Variants in PDE6B observed in about 807,000 individuals in gnomAD.
PDE6B encodes rod cGMP-specific 3',5'-cyclic phosphodiesterase subunit beta.
In PDE6B, 106 loss-of-function variants were observed where a neutral mutation model predicts 109.0. That is an observed-to-expected ratio of 0.97 (90% CI 0.83 to 1.14). PDE6B has a LOEUF of 1.14. Ranked by LOEUF, PDE6B falls within the 50% of genes most tolerant of loss-of-function variation. PDE6B has a pLI of 0.00. For missense variants in PDE6B, 1,193 were observed against 1,155.6 expected, an observed-to-expected ratio of 1.03 and a Z score of -0.47; for synonymous variants, 490 against 471.3, an observed-to-expected ratio of 1.04 and a Z score of -0.51.
chr4:646,311 G>A (rs182432965), intron 3 of PDE6B, among the ~76,000 whole-genome samples: 1 of 151,836 alleles, frequency 6.6e-6, no homozygotes, highest in African/African-American at 2.4e-5. Flanking sequence ...CTCTCCTCTT[G>A]CTCGCATCGT....
At chr4:657,299 G>C in intron 9 of PDE6B, 52 bp from the exon 10 acceptor site, 1 of 1,607,198 alleles carries the variant, frequency 6.2e-7, no homozygotes. Context: ...AGGCACATGG[G>C]AGGGGGCGCG....
At chr4:628,734 C>CT (rs1364339631) in intron 1 of PDE6B, among the ~76,000 whole-genome samples, 1 of 152,216 alleles carries the variant, frequency 6.6e-6, no homozygotes, top group African/African-American at 2.4e-5. Context: ...GAGGGAGGGG[C>CT]TGCCCAGGGC....
intron 11 of PDE6B, among the ~76,000 whole-genome samples, chr4:660,137 C>G (rs1051824788): frequency 2.0e-5 from 3 of 152,082 alleles, no homozygotes; most frequent in Non-Finnish European, 4.4e-5. Flanking sequence ...CCAGGTGTGC[C>G]TGTGTCACGT....
At chr4:658,008 C>G (rs1736541004) in intron 10 of PDE6B, among the ~76,000 whole-genome samples, 4 of 123,804 alleles carry the variant, frequency 3.2e-5, no homozygotes, top group Non-Finnish European at 3.3e-5. Flanking sequence ...GGGGTCATGG[C>G]TGTGCGGTGG....
chr4:658,712 A>T (rs1016078245), intron 10 of PDE6B, among the ~76,000 whole-genome samples: 2 of 152,098 alleles, frequency 1.3e-5, no homozygotes, highest in African/African-American at 4.8e-5. Context: ...ATCATGAGAG[A>T]GTCCCATCAT....
intron 3 of PDE6B, among the ~76,000 whole-genome samples, chr4:643,292 A>G (rs1458176363): frequency 6.6e-6 from 1 of 152,010 alleles, no homozygotes; most frequent in Non-Finnish European, 1.5e-5. Flanking sequence ...AGGGAGACAG[A>G]GCGAGATTCC....
At chr4:643,903 T>A (rs994199305) in intron 3 of PDE6B, among the ~76,000 whole-genome samples, 1 of 151,036 alleles carries the variant, frequency 6.6e-6, no homozygotes, top group Non-Finnish European at 1.5e-5. Flanking sequence ...TTTTTATTCT[T>A]ATTTAGTTCA....
chr4:639,510 T>C (rs147008269), intron 3 of PDE6B, among the ~76,000 whole-genome samples: 228 of 152,242 alleles, frequency 1.5e-3, no homozygotes, highest in Middle Eastern at 3.4e-3. Context: ...TGAACAGCCT[T>C]TTCTAAAGGA....
At chr4:654,996 A>G in intron 6 of PDE6B, 108 bp downstream of exon 6, 1 of 793,396 alleles carries the variant, frequency 1.3e-6, no homozygotes, top group South Asian at 1.4e-5. Flanking sequence ...TGCAGTCAGC[A>G]GCACCGGCCT....
At chr4:669,826 GA>G (rs1373575546) in intron 21 of PDE6B, among the ~76,000 whole-genome samples, 1 of 152,040 alleles carries the variant, frequency 6.6e-6, no homozygotes, top group African/African-American at 2.4e-5. Context: ...GCGACTTCAG[GA>G]CTATGGAAGG....
At chr4:630,850 C>G (rs1734350788) in intron 1 of PDE6B, among the ~76,000 whole-genome samples, 1 of 152,204 alleles carries the variant, frequency 6.6e-6, no homozygotes. Context: ...GCGTGAAGGT[C>G]TCAGTGCTGG....
At position 660,570 on chromosome 4, in the gene PDE6B, A is replaced by T. The variant is rs760168093; in HGVS notation, c.1571A>T (p.Tyr524Phe). ...LDLVKCGIQM[Y>F]YELGVVRKFQ... ...CTGGTCAAATGTGGCATCCAGATGT[A>T]CTACGAGCTGGGCGTGGTCCGAAAG... The change falls in exon 12 of 22, where the codon TAC becomes TTC. Residue 524 changes from tyrosine to phenylalanine, a missense_variant. Coordinates refer to ENST00000496514, the MANE Select transcript of PDE6B (RefSeq NM_000283.4). 1 of 1,613,848 alleles carries T rather than the reference A, an allele frequency of 6.2e-7. No homozygotes were observed.
intron 1 of PDE6B, among the ~76,000 whole-genome samples, chr4:630,719 C>T (rs1361936437): frequency 2.0e-5 from 3 of 152,206 alleles, no homozygotes; most frequent in Non-Finnish European, 4.4e-5. Flanking sequence ...CTGGCAGAAC[C>T]TCCGCGGTGG....
chr4:662,287 A>G lies in PDE6B; in HGVS notation c.1722+46A>G, dbSNP rs1445967853. On this transcript the variant is annotated intron_variant, in intron 13 of 21. Transcript: ENST00000496514. The surrounding 1 kb of genome is among the most constrained non-coding windows in gnomAD (Gnocchi z 4.3). Reference sequence around the variant, plus strand: ...CCAGGGTTGTGCAGGCCCTCCTGGTACCAAGGGCAGCACTCAAGCACCCCG... The same window carrying G: ...CCAGGGTTGTGCAGGCCCTCCTGGTGCCAAGGGCAGCACTCAAGCACCCCG... 5 of 1,135,330 alleles carry G rather than the reference A, an allele frequency of 4.4e-6. No homozygotes were observed. The highest frequency in any genetic ancestry group is 3.9e-6 in the Non-Finnish European group (3 of 768,270). The allele number at this position is 1,135,330 out of a possible 1,614,324, so 70.3% of individuals were successfully genotyped here. A position where few individuals can be genotyped will look rare whatever the true frequency, so the allele number is the denominator to read the frequency against.
chr4:653,247 C>T (rs1235574066), intron 3 of PDE6B: 22 of 1,009,974 alleles, frequency 2.2e-5, no homozygotes, highest in Non-Finnish European at 2.5e-5. Context: ...TGTGAGGAGG[C>T]AGGGCCTGGT....
chr4:653,252 C>T (rs1735751346), intron 3 of PDE6B: 2 of 1,010,010 alleles, frequency 2.0e-6, no homozygotes, highest in Non-Finnish European at 2.4e-6. Context: ...GGAGGCAGGG[C>T]CTGGTGGGGC....
intron 1 of PDE6B, among the ~76,000 whole-genome samples, chr4:630,381 G>A (rs944364888): frequency 2.0e-5 from 3 of 152,234 alleles, no homozygotes; most frequent in African/African-American, 7.2e-5. Context: ...GCTGTGGCCC[G>A]GCTGGTACCG....
rs750517568 is a variant in PDE6B at position 658,926 on chromosome 4, C to T, written c.1402-26C>T. 381 of 1,576,564 alleles carry T rather than the reference C, an allele frequency of 2.4e-4. 2 individuals carry two copies. In the Admixed American group the frequency reaches 5.9e-3, roughly 25 times the overall value. On this transcript the variant is annotated intron_variant, in intron 10 of 21. Coordinates refer to ENST00000496514, the MANE Select transcript of PDE6B (RefSeq NM_000283.4). ...TTGTCCCACATGCGAAGCTCTTTCT[C>T]GTGACACATCTGTGTCTCTGTGTAG...
chr4:629,507 C>T (rs1318848784), intron 1 of PDE6B, among the ~76,000 whole-genome samples: 1 of 152,254 alleles, frequency 6.6e-6, no homozygotes. Flanking sequence ...TCAGCCTCCA[C>T]CACCTTCCAG....
Sources: gnomAD v4.1 joint callset for allele counts (sites outside exome capture counted in the v4.1 genomes callset) on GRCh38, gnomAD v4.1.1 for gene constraint, Gnocchi (gnomAD v3.1) non-coding constraint, MANE v1.5 for transcripts, NCBI Gene and HGNC (gene_info 2026-07-23, HGNC 2026-07-21) for gene names.